The following ARFGEF1 variants were observed in gnomAD, a reference collection of about 807,000 sequenced individuals.
The protein encoded by ARFGEF1 is brefeldin A-inhibited guanine nucleotide-exchange protein 1.
A neutral mutation model predicts 231.0 loss-of-function variants in ARFGEF1; 42 were observed. The observed-to-expected ratio is 0.18, with a 90% CI of 0.14 to 0.24. The LOEUF (loss-of-function observed/expected upper bound fraction) is 0.24, where lower values mean the gene tolerates loss of function less well. Ranked by LOEUF, ARFGEF1 falls within the 10% of genes least tolerant of loss-of-function variation. The pLI is 1.00. For missense variants in ARFGEF1, 1,345 were observed against 2,192.0 expected, an observed-to-expected ratio of 0.61 and a Z score of 7.72; for synonymous variants, 710 against 732.3, an observed-to-expected ratio of 0.97 and a Z score of 0.49.
chr8:67,308,530 A>G (rs1806849360), intron 1 of ARFGEF1, among the ~76,000 whole-genome samples: 1 of 152,210 alleles, frequency 6.6e-6, no homozygotes, highest in African/African-American at 2.4e-5. Context: ...CCTTTGTAAT[A>G]TGCCTGGCAA....
At chr8:67,214,600 C>T (rs1045798026) in intron 33 of ARFGEF1, among the ~76,000 whole-genome samples, 1 of 151,940 alleles carries the variant, frequency 6.6e-6, no homozygotes, top group Admixed American at 6.6e-5. Flanking sequence ...CAACTTTTTG[C>T]CAAAGAGATT....
At chr8:67,288,320 GATTAGTCCT>G (rs1482452099) in intron 6 of ARFGEF1, among the ~76,000 whole-genome samples, 4 of 149,818 alleles carry the variant, frequency 2.7e-5, no homozygotes, top group Non-Finnish European at 5.9e-5. Context: ...GAATTTTCTA[GATTAGTCCT>G]TTAAGTACCA....
Position 67,343,248 on chromosome 8 carries a change from G to C in ARFGEF1, c.40C>G (p.Arg14Gly). The change falls in exon 1 of 39, where the codon CGG (arginine) becomes GGG (glycine). Residue 14 changes from arginine (R) to glycine (G), a missense_variant. By Grantham distance (125) the Arg-to-Gly change is moderately radical. Coordinates refer to ENST00000262215, the MANE Select transcript of ARFGEF1 (RefSeq NM_006421.5). ...GKKTKNMFLT[R>G]ALEKILADKE... ...TCGGCCAATATCTTCTCCAGAGCCC[G>C]GGTCAGGAACATGTTCTTCGTCTTC... 1 of 1,613,888 alleles carries C rather than the reference G, an allele frequency of 6.2e-7. No individual in the cohort carries two copies. Among genetic ancestry groups the C allele is most frequent in the Non-Finnish European group, 8.5e-7 (1 of 1,179,872 alleles).
intron 1 of ARFGEF1, among the ~76,000 whole-genome samples, chr8:67,329,708 T>C (rs1808013588): frequency 6.6e-6 from 1 of 151,804 alleles, no homozygotes; most frequent in African/African-American, 2.4e-5. Context: ...TAACAGTGAC[T>C]ATCTTAGACA....
At position 67,228,237 on chromosome 8, in the gene ARFGEF1, A is replaced by G. The variant is rs1839442298; in HGVS notation, c.3408T>C (p.Asp1136=). The G allele has an allele frequency of 6.2e-7, 1 of 1,611,106 alleles. No individual in the cohort carries two copies. The highest frequency in any genetic ancestry group is 8.5e-7 in the Non-Finnish European group (1 of 1,178,248). The change falls in exon 24 of 39, where the codon GAT becomes GAC. Residue 1136 remains aspartate (D), a synonymous_variant. Coordinates refer to ENST00000262215, the MANE Select transcript of ARFGEF1 (RefSeq NM_006421.5). ...DRIFTGSTRL[D]GNAIVDFVRW... ...GCCCATACTTACCAATGGCATTTCC[A>G]TCTAGCCTTGTAGATCCTGTGAATA...
intron 35 of ARFGEF1, among the ~76,000 whole-genome samples, chr8:67,203,882 TC>T (rs1563834159): frequency 6.6e-6 from 1 of 151,868 alleles, no homozygotes; most frequent in Admixed American, 6.6e-5. Context: ...CCCCCAGCCC[TC>T]CCCCTGCCGC....
chr8:67,211,345 CAAAAAAAAAAAA>C (rs375793043), intron 34 of ARFGEF1, 126 bp downstream of exon 34: 6 of 247,332 alleles, frequency 2.4e-5, no homozygotes, highest in African/African-American at 4.8e-5. Context: ...AACTCCGTCT[CAAAAAAAAAAAA>C]AAAAAAAAGA....
At chr8:67,290,603 C>T (rs540383659) in intron 6 of ARFGEF1, among the ~76,000 whole-genome samples, 2 of 152,282 alleles carry the variant, frequency 1.3e-5, no homozygotes, top group East Asian at 1.9e-4. Flanking sequence ...CAAGTCCTAG[C>T]ATGGTGCCTA....
At chr8:67,315,294 A>C (rs1471002018) in intron 1 of ARFGEF1, among the ~76,000 whole-genome samples, 2 of 152,218 alleles carry the variant, frequency 1.3e-5, no homozygotes, top group Non-Finnish European at 2.9e-5. Flanking sequence ...AGAAACAGAC[A>C]AATCTGCTAT....
intron 22 of ARFGEF1, among the ~76,000 whole-genome samples, chr8:67,237,502 G>A (rs1227844378): frequency 6.6e-6 from 1 of 152,144 alleles, no homozygotes; most frequent in Non-Finnish European, 1.5e-5. Flanking sequence ...AGCAGCAACA[G>A]AGGAATCACT....
At chr8:67,200,550 T>A in intron 37 of ARFGEF1, 37 bp from the exon 38 acceptor site, 1 of 1,266,906 alleles carries the variant, frequency 7.9e-7, no homozygotes, top group South Asian at 1.3e-5. Flanking sequence ...GTTACTTGCG[T>A]ATCTACTGGT....
chr8:67,266,951 A>G lies in ARFGEF1; in HGVS notation c.1846T>C (p.Leu616=), dbSNP rs1587169363. 6.2e-7 allele frequency: 1 copy of G among 1,613,494 alleles called. No homozygotes were observed. Among genetic ancestry groups the G allele is most frequent in the African/African-American group, 1.3e-5 (1 of 74,892 alleles). ...ACCATACACTTCAAAATCGACACTA[A>G]GCATTCTAAACCTTTTTTCCTCAGG... ...LSLRKKGLEC[L]VSILKCMVEW... The change falls in exon 13 of 39, where the codon TTA becomes CTA. Residue 616 remains leucine (L), a synonymous_variant. Coordinates refer to ENST00000262215, the MANE Select transcript of ARFGEF1 (RefSeq NM_006421.5).
At chr8:67,298,261 T>G (rs1022310039) in intron 4 of ARFGEF1, among the ~76,000 whole-genome samples, 1 of 152,170 alleles carries the variant, frequency 6.6e-6, no homozygotes, top group East Asian at 1.9e-4. Context: ...ATATAGCACA[T>G]GAAAATTTTA....
intron 22 of ARFGEF1, among the ~76,000 whole-genome samples, 157 bp downstream of exon 22, chr8:67,238,186 C>T (rs1563856942): frequency 6.6e-6 from 1 of 152,014 alleles, no homozygotes; most frequent in Non-Finnish European, 1.5e-5. Context: ...CCAGACCAGG[C>T]AAAAAAGATT....
Position 67,219,424 on chromosome 8 carries a change from C to G in ARFGEF1, c.4338+7G>C. The G allele has an allele frequency of 6.2e-7, 1 of 1,608,222 alleles. No individual in the cohort carries two copies. The highest frequency in any genetic ancestry group is 2.2e-5 in the East Asian group (1 of 44,590). On this transcript the variant is annotated splice_region_variant and intron_variant, in intron 30 of 38. Transcript: ENST00000262215. ...CTAAGCTAAATGAAAATTGTGTATC[C>G]TCTTACCTCTGTCTGTTGTTCTGGC...
chr8:67,342,268 T>C (rs1808666049), intron 1 of ARFGEF1, among the ~76,000 whole-genome samples: 1 of 152,216 alleles, frequency 6.6e-6, no homozygotes, highest in Non-Finnish European at 1.5e-5. Flanking sequence ...TGTTCCCCCT[T>C]TAACAACTCC....
At chr8:67,339,475 T>C (rs1223416215) in intron 1 of ARFGEF1, among the ~76,000 whole-genome samples, 1 of 152,072 alleles carries the variant, frequency 6.6e-6, no homozygotes, top group African/African-American at 2.4e-5. Flanking sequence ...CTCCTGAAAC[T>C]TAGAGGCCTT....
At chr8:67,303,692 C>T (rs546975288) in intron 1 of ARFGEF1, among the ~76,000 whole-genome samples, 1 of 149,052 alleles carries the variant, frequency 6.7e-6, no homozygotes, top group Non-Finnish European at 1.5e-5. Context: ...CCAGCCTCAG[C>T]GACAGAGTGA....
At chr8:67,225,849 C>A (rs1839354284) in intron 28 of ARFGEF1, among the ~76,000 whole-genome samples, 174 bp downstream of exon 28, 1 of 152,118 alleles carries the variant, frequency 6.6e-6, no homozygotes, top group Non-Finnish European at 1.5e-5. Context: ...CTGACACTTT[C>A]AATAATGGTT....
Sources: allele counts gnomAD v4.1 joint callset (sites outside exome capture counted in the v4.1 genomes callset), GRCh38; gene constraint gnomAD v4.1.1; transcripts MANE v1.5; gene names NCBI Gene and HGNC (gene_info 2026-07-23, HGNC 2026-07-21).